SIPA1L2: variants seen among roughly 807,000 people sequenced by gnomAD.
SIPA1L2 encodes the protein signal induced proliferation associated 1 like 2, also known as signal-induced proliferation-associated 1-like protein 2.
Under a neutral mutation model 163.9 loss-of-function variants are expected in SIPA1L2, and 56 were observed. The observed-to-expected ratio is 0.34, with a 90% CI of 0.28 to 0.43. The LOEUF is 0.43. Among genes scored for constraint, SIPA1L2 ranks in the 20% least tolerant of loss-of-function variants. SIPA1L2 has a pLI of 1.00. For missense variants in SIPA1L2, 1,974 were observed against 2,193.5 expected (o/e 0.90, Z 2.00); for synonymous variants, 877 against 865.7 (o/e 1.01, Z -0.23).
rs1667916987 is a variant in SIPA1L2 at position 232,530,374 on chromosome 1, A to G, written c.-269-14766T>C. The stretch of plus-strand genomic sequence containing the variant: ...CGTGATCCACCCGCCTCGGCCTCCC[A>G]AAGTGCTGGGATTACAGGCGTGAGC... On this transcript the variant is annotated intron_variant, in intron 2 of 22. Coordinates refer to ENST00000674635, the MANE Select transcript of SIPA1L2 (RefSeq NM_020808.5). Among the ~76,000 whole-genome samples the G allele has an allele frequency of 1.3e-5, 2 of 152,106 alleles. 1 individual carries two copies. The highest frequency in any genetic ancestry group is 4.1e-4 in the South Asian group (2 of 4,824).
intron 16 of SIPA1L2, among the ~76,000 whole-genome samples, chr1:232,431,711 A>G (rs1311815203): frequency 6.6e-6 from 1 of 152,230 alleles, no homozygotes; most frequent in Non-Finnish European, 1.5e-5. Context: ...CATAGTTTTC[A>G]CAAGTGTTGT....
rs115817551 is a variant in SIPA1L2 at position 232,441,352 on chromosome 1, T to C, written c.3581A>G (p.Tyr1194Cys). The C allele has an allele frequency of 5.7e-4, 910 of 1,595,544 alleles. 4 individuals are homozygous for C. In the East Asian group the frequency reaches 6.1e-3, roughly 11 times the overall value. ...HGPPSKVLGS[Y>C]KERALQKDGS... is the part of the protein sequence containing the mutation. The stretch of plus-strand genomic sequence containing the variant: ...ATCTTTCTGCAGAGCTCTTTCTTTA[T>C]AGGAACCCAGGACTTTGGAAGGTGG... The change falls in exon 14 of 23, where the codon TAT becomes TGT. Residue 1194 changes from tyrosine to cysteine, a missense_variant. Tyr to Cys is a radical substitution (Grantham distance 194). This residue lies in a region of SIPA1L2 where 1,079 missense variants were observed against 1,150.7 expected (regional missense o/e 0.94). Coordinates refer to ENST00000674635, the MANE Select transcript of SIPA1L2 (RefSeq NM_020808.5).
chr1:232,483,915 T>C lies in SIPA1L2; in HGVS notation c.1858A>G (p.Thr620Ala). Reference protein sequence around the residue: ...GILYCKAGQSTEEEMYNNETA... With the variant: ...GILYCKAGQSAEEEMYNNETA... Reference sequence around the variant, plus strand: ...TCATTGTTATACATCTCTTCCTCTGTGCTCTGGCCTGCTTTGCAATAAAGG... The same window carrying C: ...TCATTGTTATACATCTCTTCCTCTGCGCTCTGGCCTGCTTTGCAATAAAGG... The change falls in exon 6 of 23, where the codon ACA (threonine) becomes GCA (alanine). Residue 620 changes from threonine to alanine, a missense_variant. By Grantham distance (58) the Thr-to-Ala change is moderately conservative. This residue lies in a region of SIPA1L2 where 288 missense variants were observed against 418.9 expected (regional missense o/e 0.69). Transcript: ENST00000674635. The C allele has an allele frequency of 2.5e-6, 4 of 1,614,004 alleles. No individual in the cohort carries two copies. The highest frequency in any genetic ancestry group is 3.4e-6 in the Non-Finnish European group (4 of 1,179,948).
intron 3 of SIPA1L2, among the ~76,000 whole-genome samples, chr1:232,496,344 A>T (rs1270062990): frequency 6.6e-6 from 1 of 152,198 alleles, no homozygotes; most frequent in African/African-American, 2.4e-5. Flanking sequence ...AGGCTATCCC[A>T]TCTAGGTTTC....
At chr1:232,540,476 C>T (rs2103106060) in intron 2 of SIPA1L2, among the ~76,000 whole-genome samples, 1 of 152,290 alleles carries the variant, frequency 6.6e-6, no homozygotes, top group South Asian at 2.1e-4. Context: ...CCCGTTGCCT[C>T]CATTGCCCAT....
chr1:232,511,935 A>C (rs1053636018), intron 3 of SIPA1L2, among the ~76,000 whole-genome samples: 4 of 152,240 alleles, frequency 2.6e-5, no homozygotes, highest in Non-Finnish European at 5.9e-5. Flanking sequence ...CAGAGGCAAC[A>C]GGCAACCTAC....
At chr1:232,554,608 T>C (rs2102727677) in intron 2 of SIPA1L2, among the ~76,000 whole-genome samples, 1 of 152,326 alleles carries the variant, frequency 6.6e-6, no homozygotes, top group Middle Eastern at 3.4e-3. Context: ...GACGACTTAT[T>C]TTAACTAGAG....
chr1:232,572,758 TATATATATATATATATATA>T (rs1558277693), intron 2 of SIPA1L2, among the ~76,000 whole-genome samples: 3 of 69,654 alleles, frequency 4.3e-5, no homozygotes, highest in East Asian at 4.6e-4. Flanking sequence ...TATATATATA[TATATATATATATATATATA>T]TATTTATTTA....
chr1:232,469,962 T>C (rs989315299), intron 8 of SIPA1L2, among the ~76,000 whole-genome samples: 12 of 152,012 alleles, frequency 7.9e-5, no homozygotes, highest in Non-Finnish European at 1.8e-4. Flanking sequence ...AGCATAAAGA[T>C]AGCAAGTAAT....
chr1:232,513,431 T>C (rs1667070861), intron 3 of SIPA1L2, among the ~76,000 whole-genome samples: 1 of 152,106 alleles, frequency 6.6e-6, no homozygotes, highest in South Asian at 2.1e-4. Flanking sequence ...AGAAGCAAAG[T>C]ACAGAAAGAT....
intron 2 of SIPA1L2, among the ~76,000 whole-genome samples, chr1:232,568,565 G>A (rs1659534526): frequency 6.6e-6 from 1 of 152,172 alleles, no homozygotes; most frequent in Admixed American, 6.5e-5. Flanking sequence ...AGTGTTCCAA[G>A]CCTTGGGAAG....
chr1:232,561,011 T>C (rs567454102), intron 2 of SIPA1L2, among the ~76,000 whole-genome samples: 33 of 152,342 alleles, frequency 2.2e-4, no homozygotes, highest in African/African-American at 6.7e-4. Flanking sequence ...ATCTACTATG[T>C]TCCAGACAGA....
At chr1:232,595,543 C>T (rs559353958) in intron 1 of SIPA1L2, among the ~76,000 whole-genome samples, 11 of 152,156 alleles carry the variant, frequency 7.2e-5, no homozygotes, top group Middle Eastern at 3.4e-3. Flanking sequence ...GCCAGGGGTC[C>T]GGACGTTCCC....
intron 7 of SIPA1L2, among the ~76,000 whole-genome samples, chr1:232,476,458 T>C (rs989322210): frequency 6.6e-6 from 1 of 152,166 alleles, no homozygotes; most frequent in Non-Finnish European, 1.5e-5. Flanking sequence ...AAGAATTTCG[T>C]TGCCAAAGTG....
intron 10 of SIPA1L2, among the ~76,000 whole-genome samples, chr1:232,450,874 A>G (rs574120591): frequency 8.5e-5 from 13 of 152,342 alleles, no homozygotes; most frequent in Admixed American, 3.9e-4. Flanking sequence ...AATGCTGGCA[A>G]AAATCTGTGC....
chr1:232,423,225 G>A (rs1345713343), intron 18 of SIPA1L2, among the ~76,000 whole-genome samples: 1 of 152,200 alleles, frequency 6.6e-6, no homozygotes, highest in Non-Finnish European at 1.5e-5. Context: ...ATGCTATGAT[G>A]TTCAGTAGGT....
At chr1:232,438,926 T>C (rs899582279) in intron 15 of SIPA1L2, among the ~76,000 whole-genome samples, 182 bp downstream of exon 15, 2 of 151,508 alleles carry the variant, frequency 1.3e-5, no homozygotes, top group Non-Finnish European at 2.9e-5. Flanking sequence ...CTTGTTAACA[T>C]GCAAGCTTTG....
intron 3 of SIPA1L2, among the ~76,000 whole-genome samples, chr1:232,496,587 A>C (rs111352866): frequency 7.0e-6 from 1 of 142,818 alleles, no homozygotes; most frequent in Non-Finnish European, 1.6e-5. Flanking sequence ...ATATTCAATG[A>C]AAGACTAAAA....
chr1:232,563,955 T>TTG (rs1558270699), intron 2 of SIPA1L2, among the ~76,000 whole-genome samples: 6 of 116,696 alleles, frequency 5.1e-5, no homozygotes, highest in Non-Finnish European at 5.1e-5. Context: ...TTTTTTTTTT[T>TTG]CGTGTGTGTG....
Sources: allele counts gnomAD v4.1 joint callset (sites outside exome capture counted in the v4.1 genomes callset), GRCh38; gene constraint gnomAD v4.1.1; regional missense constraint gnomAD v4.1.1; transcripts MANE v1.5; gene names NCBI Gene and HGNC (gene_info 2026-07-23, HGNC 2026-07-21).